Variants in MTCH2 observed in about 807,000 individuals in gnomAD.
MTCH2 encodes mitochondrial carrier homolog 2.
In MTCH2, 25 loss-of-function variants were observed where a neutral mutation model predicts 50.6. The ratio of observed to expected loss-of-function variants is 0.49; its 90% CI spans 0.36 to 0.69. The LOEUF (loss-of-function observed/expected upper bound fraction) is 0.69, where lower values mean the gene tolerates loss of function less well. Among genes scored for constraint, MTCH2 ranks in the 30% least tolerant of loss-of-function variants. The pLI, the probability that MTCH2 is intolerant of heterozygous loss-of-function variation, is 0.00. For missense variants in MTCH2, 273 were observed against 384.4 expected (o/e 0.71, Z 2.42); for synonymous variants, 106 against 132.0 (o/e 0.80, Z 1.35).
intron 9 of MTCH2, among the ~76,000 whole-genome samples, 186 bp downstream of exon 9, chr11:47,628,767 G>A (rs1446204536): frequency 4.6e-5 from 7 of 152,038 alleles, no homozygotes; most frequent in Non-Finnish European, 8.8e-5. Flanking sequence ...TAGTAGAGAC[G>A]AGGTTTCACC....
chr11:47,629,151 C>G, intron 8 of MTCH2, 105 bp from the exon 9 acceptor site: 1 of 964,638 alleles, frequency 1.0e-6, no homozygotes, highest in Non-Finnish European at 1.6e-6. Context: ...ACAAAACATT[C>G]TAGGGAAGTA....
chr11:47,637,146 C>T (rs2097309465), intron 3 of MTCH2, among the ~76,000 whole-genome samples: 2 of 152,122 alleles, frequency 1.3e-5, no homozygotes, highest in East Asian at 1.9e-4. Flanking sequence ...CCCACCACCA[C>T]GCCTGGCTAA....
At chr11:47,613,844 T>C (rs970195183), downstream of MTCH2, among the ~76,000 whole-genome samples, 3 of 152,084 alleles carry the variant, frequency 2.0e-5, no homozygotes, top group Non-Finnish European at 4.4e-5. Flanking sequence ...TCACAGCACT[T>C]TGGGAGGCCC....
At chr11:47,611,603 G>GTCA in the MTCH2 span, among the ~76,000 whole-genome samples, 1 of 152,224 alleles carries the variant, frequency 6.6e-6, no homozygotes, top group East Asian at 1.9e-4. Context: ...TCGTCCACGT[G>GTCA]TCATCTTGGA....
rs1225699513 is a variant in MTCH2 at position 47,628,969 on chromosome 11, T to C, written c.617A>G (p.Tyr206Cys). The C allele has an allele frequency of 3.1e-6, 5 of 1,613,706 alleles. No homozygotes were observed. The highest frequency in any genetic ancestry group is 2.7e-5 in the African/African-American group (2 of 74,872). ...CNSLAYLVNT[Y>C]ALDSGVSTMN... Reference sequence around the variant, plus strand: ...ACAACCTACCCCACTGTCCAGTGCATAGGTATTGACGAGGTAGGCCAGTGA... The same window carrying C: ...ACAACCTACCCCACTGTCCAGTGCACAGGTATTGACGAGGTAGGCCAGTGA... Residue 206 changes from tyrosine to cysteine, a missense_variant, in exon 9 of 13, where the codon TAT (tyrosine) becomes TGT (cysteine). By Grantham distance (194) the Tyr-to-Cys change is radical (BLOSUM62 -2). This residue lies in a region of MTCH2 where 70 missense variants were observed against 140.1 expected (regional missense o/e 0.50). Transcript: ENST00000302503.
rs1488731833 is a variant in MTCH2, at chr11:47,625,542, C to T, written c.749+132G>A. On this transcript the variant is annotated intron_variant, in intron 11 of 12. Transcript: ENST00000302503. The stretch of plus-strand genomic sequence containing the variant: ...TAATGGTATCAATTATACTTTTCCT[C>T]CCCCCCTTTTTAAAAAAATACCAAT... 6.0e-6 allele frequency: 4 copies of T among 668,208 alleles called. No individual in the cohort carries two copies. The Admixed American group carries it at 8.1e-5, about 13-fold the overall frequency. 41.4% of individuals were successfully genotyped at this position (668,208 alleles called of 1,614,324 possible). A position where few individuals can be genotyped will look rare whatever the true frequency, so the allele number is the denominator to read the frequency against.
chr11:47,612,881 GA>G (rs1322336096), downstream of MTCH2, among the ~76,000 whole-genome samples: 3 of 151,954 alleles, frequency 2.0e-5, no homozygotes, highest in Non-Finnish European at 2.9e-5. Flanking sequence ...ATAGAAGGGG[GA>G]AAAATATAAA....
intron 11 of MTCH2, among the ~76,000 whole-genome samples, chr11:47,624,206 T>C (rs1173492046): frequency 1.4e-5 from 2 of 140,864 alleles, no homozygotes; most frequent in African/African-American, 2.7e-5. Flanking sequence ...CACTATAGCC[T>C]GGGCAACAGA....
At chr11:47,627,680 G>A (rs2097299363) in intron 9 of MTCH2, among the ~76,000 whole-genome samples, 1 of 150,916 alleles carries the variant, frequency 6.6e-6, no homozygotes, top group Non-Finnish European at 1.5e-5. Flanking sequence ...GCCCAGGCTG[G>A]AGGTGCAGTG....
At chr11:47,608,463 C>T in the MTCH2 span, among the ~76,000 whole-genome samples, 2 of 152,096 alleles carry the variant, frequency 1.3e-5, no homozygotes, top group African/African-American at 4.8e-5. Flanking sequence ...TTGTTTAAAA[C>T]ACTTGTGACT....
At chr11:47,631,830 G>A in intron 5 of MTCH2, 119 bp from the exon 6 acceptor site, 1 of 974,754 alleles carries the variant, frequency 1.0e-6, no homozygotes, top group Non-Finnish European at 1.6e-6. Context: ...CAGCCCTCCT[G>A]CCCTGGCTGG....
At chr11:47,637,165 T>A (rs1402165317) in intron 3 of MTCH2, among the ~76,000 whole-genome samples, 1 of 152,112 alleles carries the variant, frequency 6.6e-6, no homozygotes, top group Non-Finnish European at 1.5e-5. Context: ...AACATCTGTA[T>A]TTTTAGTAGA....
intron 1 of MTCH2, 27 bp downstream of exon 1, chr11:47,642,352 G>C (rs766766050): frequency 2.3e-5 from 32 of 1,417,620 alleles, no homozygotes; most frequent in Middle Eastern, 1.9e-4. Context: ...GGCGCCGGGC[G>C]GGGTAGGGAG....
downstream of MTCH2, among the ~76,000 whole-genome samples, chr11:47,613,017 C>G (rs1225576589): frequency 1.3e-5 from 2 of 152,038 alleles, no homozygotes; most frequent in African/African-American, 4.8e-5. Flanking sequence ...TTCTCTGGCC[C>G]CAGCCTCCCA....
chr11:47,633,415 C>T (rs1381599391), intron 5 of MTCH2, among the ~76,000 whole-genome samples: 1 of 145,252 alleles, frequency 6.9e-6, no homozygotes, highest in Non-Finnish European at 1.5e-5. Flanking sequence ...CGGCCGTATC[C>T]CTGCTTTTAA....
the MTCH2 span, among the ~76,000 whole-genome samples, chr11:47,604,649 C>T: frequency 2.6e-5 from 4 of 152,086 alleles, no homozygotes; most frequent in Admixed American, 6.5e-5. Flanking sequence ...TCTACATGTC[C>T]GGCAAAAGGA....
At position 47,625,439 on chromosome 11, in the gene MTCH2, AT is replaced by A. The variant is rs1201169510; in HGVS notation, c.749+234del. Among the ~76,000 whole-genome samples the A allele has an allele frequency of 6.5e-4, 97 of 148,910 alleles. 1 individual carries two copies. Among genetic ancestry groups the A allele is most frequent in the African/African-American group, 1.0e-3 (42 of 40,808 alleles). On this transcript the variant is annotated intron_variant, in intron 11 of 12. Transcript: ENST00000302503. ...CTCCATCTCAAAAAAAAAAAAAATA[AT>A]AATAATAATTAATAAATAAATACAA...
chr11:47,625,735 C>CA lies in MTCH2; in HGVS notation c.687dup (p.Ala230CysfsTer54), dbSNP rs1398727680. The CA allele has an allele frequency of 6.2e-7, 1 of 1,611,690 alleles. No homozygotes were observed. Among genetic ancestry groups the CA allele is most frequent in the Non-Finnish European group, 8.5e-7 (1 of 1,178,390 alleles). On this transcript the variant is annotated frameshift_variant, in exon 11 of 13. Coordinates refer to ENST00000302503, the MANE Select transcript of MTCH2 (RefSeq NM_014342.4). LOFTEE classifies it high-confidence loss of function. ...ACAAAGGGATAGGTCAACATACTCGCAAAAAACTGTAAAATGGAAACAAGG... is the reference window on the plus strand; with the variant it reads ...ACAAAGGGATAGGTCAACATACTCGCAAAAAAACTGTAAAATGGAAACAAGG...
At chr11:47,634,410 A>G (rs2097306564) in intron 5 of MTCH2, among the ~76,000 whole-genome samples, 1 of 152,156 alleles carries the variant, frequency 6.6e-6, no homozygotes, top group Non-Finnish European at 1.5e-5. Flanking sequence ...TGAGGTTTTC[A>G]ACACTATTAG....
Sources: allele counts gnomAD v4.1 joint callset (sites outside exome capture counted in the v4.1 genomes callset), GRCh38; gene constraint gnomAD v4.1.1; regional missense constraint gnomAD v4.1.1; transcripts MANE v1.5; gene names NCBI Gene and HGNC (gene_info 2026-07-23, HGNC 2026-07-21).